The following PDGFD variants were observed in gnomAD, a reference collection of about 807,000 sequenced individuals.
The protein encoded by PDGFD is platelet-derived growth factor D.
A neutral mutation model predicts 44.7 loss-of-function variants in PDGFD; 30 were observed. The observed-to-expected ratio is 0.67, with a 90% CI of 0.50 to 0.91. The LOEUF is 0.91. PDGFD is among the 40% of genes least tolerant of loss of function. The probability of loss-of-function intolerance (pLI) is 0.00; values close to 1 mark genes in which losing one functional copy is unlikely to be tolerated. For synonymous variants in PDGFD, 173 were observed against 168.4 expected (o/e 1.03, Z -0.21); for missense variants, 445 against 457.8 (o/e 0.97, Z 0.25).
intron 1 of PDGFD, among the ~76,000 whole-genome samples, chr11:104,024,738 C>T (rs946699953): frequency 6.6e-6 from 1 of 152,272 alleles, no homozygotes; most frequent in African/African-American, 2.4e-5. Flanking sequence ...GTATCCCTGT[C>T]ATTAAGTGGT....
At chr11:104,041,376 C>A (rs1402598584) in intron 1 of PDGFD, among the ~76,000 whole-genome samples, 1 of 151,416 alleles carries the variant, frequency 6.6e-6, no homozygotes. Flanking sequence ...AGTAAATGTA[C>A]TTTTAATGTG....
intron 1 of PDGFD, among the ~76,000 whole-genome samples, chr11:104,122,262 CT>C (rs1164568720): frequency 5.3e-5 from 8 of 151,290 alleles, no homozygotes; most frequent in East Asian, 3.9e-4. Context: ...CATTTTTCCT[CT>C]TTTTTTTTGT....
rs77123941 is a variant in PDGFD, at chr11:104,037,287, C to T, written c.125-37032G>A. The T allele has an allele frequency of 3.7e-3, 6,038 of 1,613,264 alleles. 194 individuals are homozygous for T. In the African/African-American group the frequency reaches 0.064, roughly 17 times the overall value. On this transcript the variant is annotated intron_variant, in intron 1 of 6. Coordinates refer to ENST00000393158, the MANE Select transcript of PDGFD (RefSeq NM_025208.5). ...GCAGCATGCTGCTCTCCAACCCCCA[C>T]GATCTGTCCCTGCTCAAGGAACGCA...
At chr11:104,059,067 T>G (rs990712624) in intron 1 of PDGFD, among the ~76,000 whole-genome samples, 1 of 152,202 alleles carries the variant, frequency 6.6e-6, no homozygotes, top group African/African-American at 2.4e-5. Context: ...GTGGTGGTGG[T>G]GACACAACTG....
intron 1 of PDGFD, among the ~76,000 whole-genome samples, chr11:104,111,527 A>C (rs970912895): frequency 1.3e-5 from 2 of 151,982 alleles, no homozygotes; most frequent in African/African-American, 4.8e-5. Context: ...CAAAGTGCTG[A>C]GATTACAGGT....
intron 1 of PDGFD, among the ~76,000 whole-genome samples, chr11:104,007,082 C>T (rs1852435895): frequency 1.3e-5 from 2 of 152,150 alleles, no homozygotes; most frequent in Non-Finnish European, 2.9e-5. Context: ...TCTGCGTGCT[C>T]CCCCTCCTGT....
At chr11:104,064,140 A>G (rs569817810) in intron 1 of PDGFD, among the ~76,000 whole-genome samples, 38 of 152,308 alleles carry the variant, frequency 2.5e-4, no homozygotes, top group South Asian at 6.2e-4. Context: ...TGATTTTACA[A>G]TGTGTTTATA....
At chr11:103,950,070 G>C (rs1166742553) in intron 3 of PDGFD, among the ~76,000 whole-genome samples, 2 of 152,114 alleles carry the variant, frequency 1.3e-5, no homozygotes, top group Non-Finnish European at 2.9e-5. Context: ...AGAATGGACC[G>C]CATGAGAGAG....
intron 1 of PDGFD, among the ~76,000 whole-genome samples, chr11:104,102,638 T>C (rs1262840020): frequency 1.3e-5 from 2 of 152,212 alleles, no homozygotes; most frequent in East Asian, 1.9e-4. Flanking sequence ...CGTATGTTTA[T>C]TGCAGCACTA....
chr11:104,157,177 G>A (rs1165704794), intron 1 of PDGFD, among the ~76,000 whole-genome samples: 1 of 152,194 alleles, frequency 6.6e-6, no homozygotes, highest in Non-Finnish European at 1.5e-5. Context: ...GCGACAACCA[G>A]GGCGAGGGGG....
intron 1 of PDGFD, among the ~76,000 whole-genome samples, chr11:104,133,917 AGAT>A (rs1051522582): frequency 7.2e-5 from 11 of 152,226 alleles, no homozygotes; most frequent in African/African-American, 9.6e-5. Flanking sequence ...GTAAAAAAGA[AGAT>A]ACCTAGCAGC....
chr11:104,066,633 T>G (rs1266189880), intron 1 of PDGFD, among the ~76,000 whole-genome samples: 3 of 152,184 alleles, frequency 2.0e-5, no homozygotes, highest in Non-Finnish European at 2.9e-5. Context: ...TTAATACCTG[T>G]TATAATTTTA....
At chr11:104,000,546 A>G (rs547891381) in intron 1 of PDGFD, among the ~76,000 whole-genome samples, 3 of 149,886 alleles carry the variant, frequency 2.0e-5, no homozygotes, top group African/African-American at 7.4e-5. Flanking sequence ...TTTGTATTCA[A>G]TTGATATTCT....
intron 6 of PDGFD, among the ~76,000 whole-genome samples, chr11:103,925,663 A>ATGTG (rs1208689880): frequency 7.5e-6 from 1 of 134,088 alleles, no homozygotes; most frequent in Admixed American, 7.6e-5. Context: ...CTCTCTCTCT[A>ATGTG]TGTGTGTGTG....
At chr11:103,992,354 G>C (rs926363345) in intron 3 of PDGFD, among the ~76,000 whole-genome samples, 2 of 152,110 alleles carry the variant, frequency 1.3e-5, no homozygotes, top group Non-Finnish European at 2.9e-5. Context: ...GTATCTGGAG[G>C]AGACAGATAT....
intron 1 of PDGFD, among the ~76,000 whole-genome samples, chr11:104,087,136 C>T (rs1396873639): frequency 6.8e-6 from 1 of 146,960 alleles, no homozygotes; most frequent in East Asian, 2.0e-4. Flanking sequence ...AGAAGTGATT[C>T]CCCTGCCTCA....
chr11:104,034,280 T>C (rs186806604), intron 1 of PDGFD, among the ~76,000 whole-genome samples: 1 of 151,874 alleles, frequency 6.6e-6, no homozygotes, highest in African/African-American at 2.4e-5. Flanking sequence ...AGCCTATATT[T>C]AACATTATTC....
chr11:104,097,629 C>T (rs1162874718), intron 1 of PDGFD, among the ~76,000 whole-genome samples: 3 of 152,144 alleles, frequency 2.0e-5, no homozygotes, highest in Non-Finnish European at 4.4e-5. Flanking sequence ...ATAATAATAA[C>T]TTATATTTGT....
At chr11:104,009,868 A>T (rs1392699048) in intron 1 of PDGFD, among the ~76,000 whole-genome samples, 1 of 152,162 alleles carries the variant, frequency 6.6e-6, no homozygotes, top group African/African-American at 2.4e-5. Flanking sequence ...TTGCTAACGC[A>T]CTGAAGCTTG....
Sources: gnomAD v4.1 joint callset for allele counts (sites outside exome capture counted in the v4.1 genomes callset) on GRCh38, gnomAD v4.1.1 for gene constraint, MANE v1.5 for transcripts, NCBI Gene and HGNC (gene_info 2026-07-23, HGNC 2026-07-21) for gene names.